CPLANE1: variants seen among roughly 807,000 people sequenced by gnomAD.
The protein encoded by CPLANE1 is ciliogenesis and planar polarity effector 1.
A neutral mutation model predicts 362.5 loss-of-function variants in CPLANE1; 263 were observed. The ratio of observed to expected loss-of-function variants is 0.73; its 90% CI spans 0.66 to 0.80. The LOEUF (loss-of-function observed/expected upper bound fraction) is 0.80, where lower values mean the gene tolerates loss of function less well. Among genes scored for constraint, CPLANE1 ranks in the 30% least tolerant of loss-of-function variants. The probability of loss-of-function intolerance (pLI) is 0.00; values close to 1 mark genes in which losing one functional copy is unlikely to be tolerated. For synonymous variants in CPLANE1, 1,212 were observed against 1,302.6 expected (o/e 0.93, Z 1.50); for missense variants, 3,461 against 3,793.4 (o/e 0.91, Z 2.30).
At chr5:37,077,602 G>A in the CPLANE1 span, among the ~76,000 whole-genome samples, 3 of 138,134 alleles carry the variant, frequency 2.2e-5, no homozygotes, top group Admixed American at 2.3e-4. Context: ...GTGTGTGTGT[G>A]TGTCTTTTTT....
intron 21 of CPLANE1, among the ~76,000 whole-genome samples, chr5:37,193,736 G>GT (rs1786342002): frequency 6.6e-6 from 1 of 151,746 alleles, no homozygotes; most frequent in South Asian, 2.1e-4. Context: ...TTGTTTTTTT[G>GT]TTTTTGTTTT....
rs540458810 is a variant in CPLANE1 at position 37,167,469 on chromosome 5, T to C, written c.7234-256A>G. Among the ~76,000 whole-genome samples the C allele has an allele frequency of 3.3e-5, 5 of 152,320 alleles. No homozygotes were observed. In the East Asian group the frequency reaches 9.7e-4, roughly 29 times the overall value. On this transcript the variant is annotated intron_variant, in intron 34 of 52. Transcript: ENST00000651892. ...GCTAGAAGTTCTCAACTTCCTAATT[T>C]CATTCCCTTATTAAAAAGCTTTCCT...
Position 37,165,541 on chromosome 5 carries a change from T to C in CPLANE1, c.7531A>G (p.Lys2511Glu). The change falls in exon 36 of 53, where the codon AAG (lysine) becomes GAG (glutamate). Residue 2511 changes from lysine to glutamate, a missense_variant and splice_region_variant. Physicochemically the swap from Lys to Glu is moderately conservative, Grantham distance 56. Coordinates refer to ENST00000651892, the MANE Select transcript of CPLANE1 (RefSeq NM_001384732.1). ...NDDSEIIKKP[K>E]EQQEHCGSHP... ...AATCTATAGCAGTTTTTCTATACCT[T>C]GGGTTTCTTAATGATTTCTGAATCA... 6.2e-7 allele frequency: 1 copy of C among 1,608,570 alleles called. No homozygotes were observed. Among genetic ancestry groups the C allele is most frequent in the Non-Finnish European group, 8.5e-7 (1 of 1,178,630 alleles).
chr5:37,247,909 T>C, intron 1 of CPLANE1, 164 bp from the exon 2 acceptor site: 1 of 409,730 alleles, frequency 2.4e-6, no homozygotes, highest in South Asian at 3.5e-5. Context: ...GTGATTCTCC[T>C]GCGTTAGCCT....
At chr5:37,152,872 G>C (rs1773969603) in intron 42 of CPLANE1, among the ~76,000 whole-genome samples, 1 of 151,978 alleles carries the variant, frequency 6.6e-6, no homozygotes, top group African/African-American at 2.4e-5. Flanking sequence ...CTGGATAACA[G>C]AGCAAGACTA....
intron 51 of CPLANE1, among the ~76,000 whole-genome samples, chr5:37,110,694 C>G (rs1344626740): frequency 6.6e-6 from 1 of 151,982 alleles, no homozygotes; most frequent in African/African-American, 2.4e-5. Flanking sequence ...TATGGAGAAA[C>G]CATTATTATC....
At chr5:37,178,279 A>G (rs1008959616) in intron 29 of CPLANE1, among the ~76,000 whole-genome samples, 12 of 151,946 alleles carry the variant, frequency 7.9e-5, no homozygotes, top group Admixed American at 2.0e-4. Flanking sequence ...GCAACAGAGC[A>G]AGACTGTCTC....
At position 37,195,050 on chromosome 5, in the gene CPLANE1, G is replaced by A. The variant is rs569778383; in HGVS notation, c.3811+808C>T. On this transcript the variant is annotated intron_variant, in intron 21 of 52. Coordinates refer to ENST00000651892, the MANE Select transcript of CPLANE1 (RefSeq NM_001384732.1). ...GGTGCCTGTAGTCCCAGCTACTTGG[G>A]AGGCTGAGGCAGGAGAATATCGGGA... Among the ~76,000 whole-genome samples, 5 of 151,932 alleles carry A rather than the reference G, an allele frequency of 3.3e-5. No individual in the cohort carries two copies. The South Asian group carries it at 6.2e-4, about 19-fold the overall frequency.
the CPLANE1 span, among the ~76,000 whole-genome samples, chr5:37,083,486 G>A: frequency 6.6e-6 from 1 of 152,108 alleles, no homozygotes; most frequent in Non-Finnish European, 1.5e-5. Flanking sequence ...CAATCAGGGA[G>A]GCACCTGAGA....
chr5:37,211,096 T>C (rs1218237832), intron 16 of CPLANE1: 5 of 984,990 alleles, frequency 5.1e-6, no homozygotes, highest in Non-Finnish European at 8.2e-6. Flanking sequence ...AATGGCAACA[T>C]GGTGCTTCAC....
rs768640739 is a variant in CPLANE1 at position 37,245,464 on chromosome 5, T to C, written c.337+15A>G. ...TCCTAGTTAAACCAACTTAAACAAA[T>C]AAAAAAATTCCCACCGACTGTAGCT... On this transcript the variant is annotated intron_variant, in intron 4 of 52. Transcript: ENST00000651892. 10 of 1,433,272 alleles carry C rather than the reference T, an allele frequency of 7.0e-6. No individual in the cohort carries two copies. The South Asian group carries it at 1.4e-4, about 20-fold the overall frequency. The allele number at this position is 1,433,272 out of a possible 1,614,324, so 88.8% of individuals were successfully genotyped here.
intron 15 of CPLANE1, among the ~76,000 whole-genome samples, chr5:37,217,694 C>T (rs767601828): frequency 1.3e-4 from 20 of 151,348 alleles, no homozygotes; most frequent in South Asian, 2.1e-4. Context: ...AACAGAAACC[C>T]GGCTGGGCGA....
At chr5:37,078,903 G>A in the CPLANE1 span, among the ~76,000 whole-genome samples, 3 of 151,852 alleles carry the variant, frequency 2.0e-5, no homozygotes, top group Non-Finnish European at 4.4e-5. Context: ...TTTTAATGGG[G>A]TTTTTTCTTG....
intron 27 of CPLANE1, 73 bp from the exon 28 acceptor site, chr5:37,180,256 TTTTG>T: frequency 9.5e-7 from 1 of 1,056,194 alleles, no homozygotes; most frequent in Non-Finnish European, 1.3e-6. Flanking sequence ...TGGGTTTTTT[TTTTG>T]TTTTTTTTTT....
chr5:37,197,551 G>A (rs1174940127), intron 20 of CPLANE1, among the ~76,000 whole-genome samples: 1 of 152,184 alleles, frequency 6.6e-6, no homozygotes, highest in Admixed American at 6.5e-5. Context: ...GATTGGCCTT[G>A]TGAGACTCTA....
chr5:37,243,060 T>G lies in CPLANE1; in HGVS notation c.630A>C (p.Leu210Phe). ...CATGCCACCGAATTGCTAGAAATGT[T>G]AACTTCAGGCATTCCCCAGAATAAA... ...FTFYSGECLK[L>F]TFLAIRWHEN... Residue 210 changes from leucine (L) to phenylalanine (F), a missense_variant, in exon 6 of 53, where the codon TTA becomes TTC. Transcript: ENST00000651892. The G allele has an allele frequency of 1.3e-6, 2 of 1,548,902 alleles. No homozygotes were observed. The highest frequency in any genetic ancestry group is 8.7e-7 in the Non-Finnish European group (1 of 1,145,782).
Position 37,180,884 on chromosome 5 carries a change from T to A in CPLANE1, c.5543A>T (p.Gln1848Leu). The A allele has an allele frequency of 9.3e-6, 15 of 1,614,096 alleles. No homozygotes were observed. Among genetic ancestry groups the A allele is most frequent in the Non-Finnish European group, 1.3e-5 (15 of 1,179,972 alleles). The change falls in exon 27 of 53, where the codon CAG (glutamine) becomes CTG (leucine). Residue 1848 changes from glutamine to leucine, a missense_variant. By Grantham distance (113) the Gln-to-Leu change is moderately radical. Around this residue, in one of 2 missense-constraint regions of CPLANE1, gnomAD observed 3,380 missense variants for 3,666.1 expected, o/e 0.92. Transcript: ENST00000651892. ...TPGGTEERNG[Q>L]NKSCQNILNR... ...CAAGATATTTTGACAAGATTTATTC[T>A]GACCATTTCTTTCCTCAGTTCCACC...
Position 37,169,262 on chromosome 5 carries a change from C to A in CPLANE1, c.6762G>T (p.Leu2254Phe). Reference sequence around the variant, plus strand: ...ATCCCCAAGCCTCTCTTGGTTGTGGCAAAGGCCTGAAGGGAACTTGTGGAA... The same window carrying A: ...ATCCCCAAGCCTCTCTTGGTTGTGGAAAAGGCCTGAAGGGAACTTGTGGAA... ...GSIPQVPFRP[L>F]PQPREAWGLS... Residue 2254 changes from leucine to phenylalanine, a missense_variant, in exon 34 of 53, where the codon TTG (leucine) becomes TTT (phenylalanine). Physicochemically the swap from Leu to Phe is conservative, Grantham distance 22. Coordinates refer to ENST00000651892, the MANE Select transcript of CPLANE1 (RefSeq NM_001384732.1). 1 of 1,614,148 alleles carries A rather than the reference C, an allele frequency of 6.2e-7. No homozygotes were observed. Among genetic ancestry groups the A allele is most frequent in the South Asian group, 1.1e-5 (1 of 91,078 alleles).
intron 8 of CPLANE1, among the ~76,000 whole-genome samples, chr5:37,237,047 CA>C (rs1244432501): frequency 6.6e-6 from 1 of 152,006 alleles, no homozygotes; most frequent in African/African-American, 2.4e-5. Context: ...CTCAAAGAAC[CA>C]AAATAGGAAC....
Sources: gnomAD v4.1 joint callset for allele counts (sites outside exome capture counted in the v4.1 genomes callset) on GRCh38, gnomAD v4.1.1 for gene constraint, gnomAD v4.1.1 regional missense constraint, MANE v1.5 for transcripts, NCBI Gene and HGNC (gene_info 2026-07-23, HGNC 2026-07-21) for gene names.